The following DAPK3 variants were observed in gnomAD, a reference collection of about 807,000 sequenced individuals.
DAPK3 encodes death-associated protein kinase 3.
Under a neutral mutation model 30.6 loss-of-function variants are expected in DAPK3, and 24 were observed. The observed-to-expected ratio is 0.78, with a 90% CI of 0.57 to 1.10. DAPK3 has a LOEUF of 1.10. Among genes scored for constraint, DAPK3 ranks in the 50% least tolerant of loss-of-function variants. The pLI, the probability that DAPK3 is intolerant of heterozygous loss-of-function variation, is 0.00. For synonymous variants in DAPK3, 341 were observed against 284.0 expected (o/e 1.20, Z -2.02); for missense variants, 629 against 657.3 (o/e 0.96, Z 0.47).
intron 4 of DAPK3, 27 bp downstream of exon 4, chr19:3,964,217 G>A (rs987182430): frequency 2.5e-5 from 39 of 1,583,824 alleles, no homozygotes; most frequent in South Asian, 3.4e-5. Context: ...TCCCCAGGCC[G>A]GGGCTGCCCA....
chr19:3,969,644 G>A, intron 2 of DAPK3, 30 bp downstream of exon 2: 1 of 1,491,640 alleles, frequency 6.7e-7, no homozygotes, highest in Non-Finnish European at 9.3e-7. Context: ...TCCTATCCCT[G>A]GAGCCCAGCC....
At chr19:3,966,394 C>G (rs2039577486) in intron 2 of DAPK3, among the ~76,000 whole-genome samples, 1 of 152,178 alleles carries the variant, frequency 6.6e-6, no homozygotes, top group Non-Finnish European at 1.5e-5. Context: ...CCTGGGCAAG[C>G]AGAAAACCAC....
At position 3,964,871 on chromosome 19, in the gene DAPK3, G is replaced by A. The variant is rs765691185; in HGVS notation, c.183C>T (p.Ile61=). ...CCCGCAGGATGTTCACCTCCCGCTC[G>A]ATCTCCTCCCGGCTCACCCCACGCC... is the stretch of plus-strand genomic sequence containing the variant. ...SSRRGVSREE[I]EREVNILREI... Residue 61 remains isoleucine, a synonymous_variant, in exon 3 of 9, where the codon ATC becomes ATT. Transcript: ENST00000545797. 1.4e-5 allele frequency: 23 copies of A among 1,611,986 alleles called. No homozygotes were observed. The South Asian group carries it at 1.5e-4, about 11-fold the overall frequency.
rs746361778 is a variant in DAPK3, at chr19:3,959,347, G to A, written c.1119C>T (p.Ser373=). The A allele has an allele frequency of 1.3e-6, 2 of 1,588,344 alleles. No homozygotes were observed. Among genetic ancestry groups the A allele is most frequent in the Admixed American group, 1.7e-5 (1 of 58,420 alleles). Residue 373 remains serine (S), a synonymous_variant, in exon 9 of 9, where the codon AGC becomes AGT. Transcript: ENST00000545797. ...KEAWYREESD[S]LGQDLRRLRQ... is the part of the protein sequence containing the mutation. ...GTAGCCTCCGCAGGTCCTGGCCCAG[G>A]CTGTCGCTCTCCTCGCGGTACCAGG...
At chr19:3,964,185 A>G in intron 4 of DAPK3, 59 bp downstream of exon 4, 2 of 1,467,026 alleles carry the variant, frequency 1.4e-6, no homozygotes, top group Non-Finnish European at 1.9e-6. Flanking sequence ...CCCCACGCAC[A>G]GCAGGCAGCC....
chr19:3,959,415 C>T lies in DAPK3; in HGVS notation c.1051G>A (p.Glu351Lys), dbSNP rs377026101. 111 of 1,558,926 alleles carry T rather than the reference C, an allele frequency of 7.1e-5. No homozygotes were observed. The highest frequency in any genetic ancestry group is 9.0e-5 in the Non-Finnish European group (104 of 1,159,504). The change falls in exon 9 of 9, where the codon GAG becomes AAG. Residue 351 changes from glutamate (E) to lysine (K), a missense_variant. Physicochemically the swap from Glu to Lys is moderately conservative, Grantham distance 56. Coordinates refer to ENST00000545797, the MANE Select transcript of DAPK3 (RefSeq NM_001348.3). ...ELQRSRRLCH[E>K]DVEALAAIYE... ...ATGGCGGCCAGCGCCTCCACGTCCT[C>T]GTGGCAGAGCCGCCGGCTGCGCTGC...
Position 3,961,154 on chromosome 19 carries a change from C to A in DAPK3, c.637G>T (p.Gly213Cys). ...IGVITYILLS[G>C]ASPFLGETKQ... ...GTCTCGCCCAGGAACGGGGATGCAC[C>A]GCTCAGGCTGCGAGACAGGCGTGGG... The change falls in exon 7 of 9, where the codon GGT becomes TGT. Residue 213 changes from glycine to cysteine, a missense_variant. Around this residue, in one of 2 missense-constraint regions of DAPK3, gnomAD observed 306 missense variants for 378.5 expected, o/e 0.81. Transcript: ENST00000545797. 1 of 1,612,282 alleles carries A rather than the reference C, an allele frequency of 6.2e-7. No individual in the cohort carries two copies. The highest frequency in any genetic ancestry group is 8.5e-7 in the Non-Finnish European group (1 of 1,179,512).
chr19:3,963,698 C>T (rs371345595), intron 5 of DAPK3, 29 bp from the exon 6 acceptor site: 18 of 1,525,248 alleles, frequency 1.2e-5, no homozygotes, highest in South Asian at 2.5e-5. Flanking sequence ...CAAGGGTCAG[C>T]GCAGCGTGGG....
intron 2 of DAPK3, among the ~76,000 whole-genome samples, chr19:3,968,996 T>C (rs1183032314): frequency 2.6e-5 from 4 of 152,176 alleles, no homozygotes. Flanking sequence ...AACCTCTGCT[T>C]TTTCCCACAA....
rs529672841 is a variant in DAPK3 at position 3,958,921 on chromosome 19, C to T, written c.*180G>A. On this transcript the variant is annotated 3_prime_UTR_variant, in exon 9 of 9. Transcript: ENST00000545797. Reference sequence around the variant, plus strand: ...GCTGTGTAGAGAAGCAGCCCCGTCCCACACCCACCCCTGCCTGCGAACTTA... The same window carrying T: ...GCTGTGTAGAGAAGCAGCCCCGTCCTACACCCACCCCTGCCTGCGAACTTA... 1.2e-5 allele frequency: 7 copies of T among 584,120 alleles called. No homozygotes were observed. The East Asian group carries it at 2.1e-4, about 17-fold the overall frequency. The allele number at this position is 584,120 out of a possible 1,614,324, so 36.2% of individuals were successfully genotyped here.
At chr19:3,962,739 G>T (rs1331338820) in intron 6 of DAPK3, among the ~76,000 whole-genome samples, 3 of 133,678 alleles carry the variant, frequency 2.2e-5, no homozygotes, top group Non-Finnish European at 4.6e-5. Flanking sequence ...GCTGAGACGG[G>T]GCCTTGGCAC....
At chr19:3,960,214 G>T in intron 7 of DAPK3, 110 bp from the exon 8 acceptor site, 1 of 671,218 alleles carries the variant, frequency 1.5e-6, no homozygotes, top group Non-Finnish European at 2.7e-6. Context: ...CCCAGCCTCT[G>T]CTCAGCCAAC....
rs1207535402 is a variant in DAPK3 at position 3,959,500 on chromosome 19, G to A, written c.966C>T (p.Phe322=). 3 of 1,559,710 alleles carry A rather than the reference G, an allele frequency of 1.9e-6. No individual in the cohort carries two copies. The highest frequency in any genetic ancestry group is 2.6e-6 in the Non-Finnish European group (3 of 1,160,248). ...SLPPNNSYAD[F]ERFSKVLEEA... is the part of the protein sequence containing the mutation. ...CCTCCAGCACCTTGGAGAAGCGCTC[G>A]AAGTCGGCGTAGCTGTTGTTGGGCG... Residue 322 remains phenylalanine, a synonymous_variant, in exon 9 of 9, where the codon TTC becomes TTT. Transcript: ENST00000545797.
At chr19:3,969,368 C>T (rs967302696) in intron 2 of DAPK3, among the ~76,000 whole-genome samples, 2 of 152,176 alleles carry the variant, frequency 1.3e-5, no homozygotes, top group Admixed American at 1.3e-4. Context: ...GCAGAAGACA[C>T]ATCTTTTAAT....
Position 3,960,119 on chromosome 19 carries a change from C to T in DAPK3, c.783-15G>A, listed in dbSNP as rs2039492426. The T allele has an allele frequency of 2.7e-6, 4 of 1,486,612 alleles. No homozygotes were observed. Among genetic ancestry groups the T allele is most frequent in the Non-Finnish European group, 3.8e-6 (4 of 1,064,076 alleles). 92.1% of individuals were successfully genotyped at this position (1,486,612 alleles called of 1,614,324 possible). A position where few individuals can be genotyped will look rare whatever the true frequency, so the allele number is the denominator to read the frequency against. ...TCATTCTCCGCCTGGAAGACCCCCGCTCTGGTTAGGTACACCTGCACCATC... is the reference window on the plus strand; with the variant it reads ...TCATTCTCCGCCTGGAAGACCCCCGTTCTGGTTAGGTACACCTGCACCATC... On this transcript the variant is annotated splice_polypyrimidine_tract_variant and intron_variant, in intron 7 of 8. Transcript: ENST00000545797.
chr19:3,959,874 T>C, intron 8 of DAPK3, 185 bp downstream of exon 8: 1 of 638,658 alleles, frequency 1.6e-6, no homozygotes, highest in Non-Finnish European at 2.7e-6. Flanking sequence ...CCACCAGGTC[T>C]GTCGGGTGCT....
At position 3,961,125 on chromosome 19, in the gene DAPK3, C is replaced by G; in HGVS notation, c.666G>C (p.Lys222Asn). ...CTGAGATGTTGGTGAGCGTCTCCTGCTTGGTCTCGCCCAGGAACGGGGATG... is the reference window on the plus strand; with the variant it reads ...CTGAGATGTTGGTGAGCGTCTCCTGGTTGGTCTCGCCCAGGAACGGGGATG... The part of the protein sequence containing the change: ...SGASPFLGET[K>N]QETLTNISAV... Residue 222 changes from lysine (K) to asparagine (N), a missense_variant, in exon 7 of 9, where the codon AAG becomes AAC. Coordinates refer to ENST00000545797, the MANE Select transcript of DAPK3 (RefSeq NM_001348.3). 6.2e-7 allele frequency: 1 copy of G among 1,613,478 alleles called. No individual in the cohort carries two copies. The highest frequency in any genetic ancestry group is 8.5e-7 in the Non-Finnish European group (1 of 1,179,816).
At chr19:3,964,460 C>G in intron 3 of DAPK3, 87 bp from the exon 4 acceptor site, 1 of 952,804 alleles carries the variant, frequency 1.0e-6, no homozygotes, top group Non-Finnish European at 1.4e-6. Flanking sequence ...TCACGCTCCC[C>G]GCAACCTCAC....
At chr19:3,964,099 G>C in intron 4 of DAPK3, 145 bp downstream of exon 4, 1 of 858,966 alleles carries the variant, frequency 1.2e-6, no homozygotes, top group Non-Finnish European at 1.8e-6. Flanking sequence ...TGGAGGCCCA[G>C]ACCTCCCGCA....
Sources: allele counts gnomAD v4.1 joint callset (sites outside exome capture counted in the v4.1 genomes callset), GRCh38; gene constraint gnomAD v4.1.1; regional missense constraint gnomAD v4.1.1; transcripts MANE v1.5; gene names NCBI Gene and HGNC (gene_info 2026-07-23, HGNC 2026-07-21).